The following MCMBP variants were observed in gnomAD, a reference collection of about 807,000 sequenced individuals.
MCMBP encodes minichromosome maintenance complex binding protein.
Under a neutral mutation model 81.3 loss-of-function variants are expected in MCMBP, and 31 were observed. That is an observed-to-expected ratio of 0.38 (90% CI 0.29 to 0.51). The LOEUF (loss-of-function observed/expected upper bound fraction) is 0.51. Ranked by LOEUF, MCMBP falls within the 20% of genes least tolerant of loss-of-function variation. The pLI, the probability that MCMBP is intolerant of heterozygous loss-of-function variation, is 0.87. For synonymous variants in MCMBP, 267 were observed against 275.9 expected, an observed-to-expected ratio of 0.97 and a Z score of 0.32; for missense variants, 645 against 772.1, an observed-to-expected ratio of 0.84 and a Z score of 1.95.
In MCMBP at chr10:119,872,511, C is replaced by G; in HGVS notation, c.58+16G>C. 8.4e-7 allele frequency: 1 copy of G among 1,189,434 alleles called. No homozygotes were observed. Among genetic ancestry groups the G allele is most frequent in the South Asian group, 3.9e-5 (1 of 25,588 alleles). The allele number at this position is 1,189,434 out of a possible 1,614,324, so 73.7% of individuals were successfully genotyped here. ...TCGGCTGCCCGCCCGGCCCGCCCCC[C>G]GGCGCCGCCACTCACCGAAGAATCC... On this transcript the variant is annotated intron_variant, in intron 1 of 15. Transcript: ENST00000369077.
At chr10:119,866,422 T>C (rs1853456066) in intron 1 of MCMBP, among the ~76,000 whole-genome samples, 1 of 152,122 alleles carries the variant, frequency 6.6e-6, no homozygotes, top group South Asian at 2.1e-4. Flanking sequence ...GATCAGGAGT[T>C]CAAGAGCAGC....
chr10:119,835,609 C>T lies in MCMBP; in HGVS notation c.1638G>A (p.Leu546=). 6.2e-7 allele frequency: 1 copy of T among 1,614,202 alleles called. No homozygotes were observed. The highest frequency in any genetic ancestry group is 8.5e-7 in the Non-Finnish European group (1 of 1,180,028). Reference sequence around the variant, plus strand: ...GAGTTAGATAAATGCGGAATTTGTTCAGCACGGAAGGCAGCACCGCTGAGA... The same window carrying T: ...GAGTTAGATAAATGCGGAATTTGTTTAGCACGGAAGGCAGCACCGCTGAGA... ...SLLSAVLPSV[L]NKFRIYLTLL... Residue 546 remains leucine (L), a synonymous_variant, in exon 14 of 16, where the codon CTG becomes CTA. Transcript: ENST00000369077.
intron 14 of MCMBP, 32 bp downstream of exon 14, chr10:119,835,508 C>T (rs1852207477): frequency 6.3e-7 from 1 of 1,579,632 alleles, no homozygotes; most frequent in Non-Finnish European, 8.6e-7. Context: ...CAATTCAACA[C>T]AGGGAAATCC....
chr10:119,839,176 G>GA (rs1461942010), intron 11 of MCMBP, among the ~76,000 whole-genome samples: 2 of 152,194 alleles, frequency 1.3e-5, no homozygotes, highest in African/African-American at 4.8e-5. Context: ...TCAAGGAGCA[G>GA]AGCACACTGA....
chr10:119,855,276 A>T (rs1228987759), intron 5 of MCMBP, among the ~76,000 whole-genome samples: 1 of 152,230 alleles, frequency 6.6e-6, no homozygotes, highest in Admixed American at 6.5e-5. Context: ...AACTTGTGGG[A>T]TGCAACCAAA....
At chr10:119,853,223 CAT>C in intron 5 of MCMBP, 29 bp from the exon 6 acceptor site, 1 of 1,591,596 alleles carries the variant, frequency 6.3e-7, no homozygotes, top group Non-Finnish European at 8.6e-7. Context: ...AAAAGACTAT[CAT>C]AAACTGAGGA....
chr10:119,850,986 C>T (rs887509324), intron 6 of MCMBP, among the ~76,000 whole-genome samples: 1 of 150,662 alleles, frequency 6.6e-6, no homozygotes, highest in African/African-American at 2.4e-5. Context: ...AATTCTCCTG[C>T]CTCAGTCTCC....
intron 13 of MCMBP, 117 bp downstream of exon 13, chr10:119,836,779 T>TAAAAAAAA: frequency 8.4e-6 from 2 of 239,058 alleles, no homozygotes; most frequent in Non-Finnish European, 1.4e-5. Flanking sequence ...TTTTTTTTTT[T>TAAAAAAAA]TTTTTTTTTT....
intron 1 of MCMBP, among the ~76,000 whole-genome samples, chr10:119,866,069 G>A (rs1853438493): frequency 1.4e-5 from 2 of 148,042 alleles, no homozygotes; most frequent in African/African-American, 5.0e-5. Context: ...CAGCCTGGAC[G>A]ACAGAGCCAG....
intron 14 of MCMBP, among the ~76,000 whole-genome samples, chr10:119,834,923 A>G (rs1009415947): frequency 6.6e-6 from 1 of 151,886 alleles, no homozygotes; most frequent in African/African-American, 2.4e-5. Context: ...AAGAAACACT[A>G]AAGACAGTTC....
At chr10:119,850,155 C>G (rs533883816) in intron 6 of MCMBP, among the ~76,000 whole-genome samples, 5 of 152,340 alleles carry the variant, frequency 3.3e-5, no homozygotes, top group African/African-American at 1.2e-4. Flanking sequence ...AAACACCACT[C>G]AGCAATAAAA....
In MCMBP at chr10:119,831,520, C is replaced by A; in HGVS notation, c.1877G>T (p.Arg626Ile). The change falls in exon 16 of 16, where the codon AGA (arginine) becomes ATA (isoleucine). Residue 626 changes from arginine (R) to isoleucine (I), a missense_variant. Transcript: ENST00000369077. ...ACATTTTTGCTGCTGAAGCCTCGTT[C>A]TTCTTAAAGACTCTAGCTGCTTTGC... is the stretch of plus-strand genomic sequence containing the variant. ...LRAKQLESLR[R>I]TRLQQQKCVN... The A allele has an allele frequency of 6.2e-7, 1 of 1,614,060 alleles. No individual in the cohort carries two copies. Among genetic ancestry groups the A allele is most frequent in the Non-Finnish European group, 8.5e-7 (1 of 1,179,944 alleles).
At chr10:119,872,500 G>A in intron 1 of MCMBP, 27 bp downstream of exon 1, 1 of 910,476 alleles carries the variant, frequency 1.1e-6, no homozygotes, top group Non-Finnish European at 1.4e-6. Flanking sequence ...CTGCCCGCCC[G>A]GCCCGCCCCC....
chr10:119,862,180 G>A (rs189196492), intron 1 of MCMBP, among the ~76,000 whole-genome samples: 107 of 152,228 alleles, frequency 7.0e-4, no homozygotes, highest in African/African-American at 2.4e-3. Flanking sequence ...GATGGTGTGC[G>A]CCTGTAATCC....
intron 5 of MCMBP, among the ~76,000 whole-genome samples, chr10:119,853,765 A>T (rs1852919755): frequency 6.6e-6 from 1 of 152,226 alleles, no homozygotes; most frequent in South Asian, 2.1e-4. Flanking sequence ...GTTGGCAGAG[A>T]GTTAAATGGA....
chr10:119,859,986 CTAAAA>C (rs1291151817), intron 1 of MCMBP, 102 bp from the exon 2 acceptor site: 3 of 761,870 alleles, frequency 3.9e-6, no homozygotes, highest in Non-Finnish European at 6.4e-6. Flanking sequence ...AAAAAACAAA[CTAAAA>C]TTAGCTACTA....
Position 119,830,795 on chromosome 10 carries a change from T to C in MCMBP, c.*679A>G, listed in dbSNP as rs34665025. ...GATTTATTCGGATTACTTGGCAAGG[T>C]AAATTGGCAACCTTATAGTACCCCA... On this transcript the variant is annotated 3_prime_UTR_variant, in exon 16 of 16. Transcript: ENST00000369077. The C allele has an allele frequency of 0.041, 6,204 of 152,684 alleles. 182 individuals are homozygous for C. Among genetic ancestry groups the C allele is most frequent in the South Asian group, 0.068 (327 of 4,822 alleles). 9.5% of individuals were successfully genotyped at this position (152,684 alleles called of 1,614,324 possible). A position where few individuals can be genotyped will look rare whatever the true frequency, so the allele number is the denominator to read the frequency against.
intron 5 of MCMBP, among the ~76,000 whole-genome samples, chr10:119,856,386 TGAA>T (rs1158906240): frequency 6.6e-6 from 1 of 152,036 alleles, no homozygotes; most frequent in African/African-American, 2.4e-5. Context: ...AAGAAAGAAA[TGAA>T]GAACTACTGA....
Position 119,843,385 on chromosome 10 carries a change from G to T in MCMBP, c.869C>A (p.Thr290Lys), listed in dbSNP as rs1488709186. 6.2e-7 allele frequency: 1 copy of T among 1,613,914 alleles called. No individual in the cohort carries two copies. Among genetic ancestry groups the T allele is most frequent in the African/African-American group, 1.3e-5 (1 of 74,926 alleles). Residue 290 changes from threonine to lysine, a missense_variant, in exon 9 of 16, where the codon ACA (threonine) becomes AAA (lysine). Physicochemically the swap from Thr to Lys is moderately conservative, Grantham distance 78 (BLOSUM62 -1). Transcript: ENST00000369077. ...ALLDPMECTD[T>K]AEEQRVHSPP... is the part of the protein sequence containing the mutation. ...ACTGTGTACTCTCTGCTCCTCTGCT[G>T]TGTCTGTGCACTCCATCGGATCCAG...
Sources: allele counts gnomAD v4.1 joint callset (sites outside exome capture counted in the v4.1 genomes callset), GRCh38; gene constraint gnomAD v4.1.1; transcripts MANE v1.5; gene names NCBI Gene and HGNC (gene_info 2026-07-23, HGNC 2026-07-21).